The following GREB1 variants were observed in gnomAD, a reference collection of about 807,000 sequenced individuals.
GREB1 encodes protein GREB1.
Under a neutral mutation model 200.7 loss-of-function variants are expected in GREB1, and 106 were observed. The observed-to-expected ratio is 0.53, with a 90% CI of 0.45 to 0.62. The LOEUF is 0.62. Ranked by LOEUF, GREB1 falls within the 20% of genes least tolerant of loss-of-function variation. The probability of loss-of-function intolerance (pLI) is 0.00; values close to 1 mark genes in which losing one functional copy is unlikely to be tolerated. For synonymous variants in GREB1, 1,132 were observed against 1,092.4 expected, an observed-to-expected ratio of 1.04 and a Z score of -0.72; for missense variants, 2,243 against 2,556.8, an observed-to-expected ratio of 0.88 and a Z score of 2.65.
At position 11,637,827 on chromosome 2, in the gene GREB1, C is replaced by T. The variant is rs772103384; in HGVS notation, c.5458C>T (p.His1820Tyr). Residue 1820 changes from histidine (H) to tyrosine (Y), a missense_variant, in exon 31 of 33, where the codon CAC becomes TAC. Physicochemically the swap from His to Tyr is moderately conservative, Grantham distance 83. Around this residue, in one of 3 missense-constraint regions of GREB1, gnomAD observed 478 missense variants for 616.3 expected, o/e 0.78. Coordinates refer to ENST00000381486, the MANE Select transcript of GREB1 (RefSeq NM_014668.4). ...GCTCCTGCTGGAGAAGTTCCTGCAG[C>T]ACCACAGCCACCTCTTCTTCCCGCT... ...AQLLLEKFLQ[H>Y]HSHLFFPLSL... 9 of 1,614,080 alleles carry T rather than the reference C, an allele frequency of 5.6e-6. No homozygotes were observed. The Admixed American group carries it at 6.7e-5, about 12-fold the overall frequency.
intron 14 of GREB1, among the ~76,000 whole-genome samples, chr2:11,598,297 G>A (rs1681450203): frequency 6.6e-6 from 1 of 152,228 alleles, no homozygotes; most frequent in African/African-American, 2.4e-5. Context: ...CAGATGTCCG[G>A]TGTCTTCACT....
At chr2:11,574,318 A>G (rs2148019262) in intron 4 of GREB1, among the ~76,000 whole-genome samples, 2 of 152,312 alleles carry the variant, frequency 1.3e-5, no homozygotes, top group Admixed American at 1.3e-4. Flanking sequence ...ACAAATTTCA[A>G]TCACTGGGAT....
Position 11,592,883 on chromosome 2 carries a change from C to T in GREB1, c.1453C>T (p.Pro485Ser), listed in dbSNP as rs779035515. The T allele has an allele frequency of 1.3e-6, 2 of 1,598,366 alleles. No homozygotes were observed. Among genetic ancestry groups the T allele is most frequent in the African/African-American group, 2.7e-5 (2 of 73,980 alleles). ...GCAGTACCAGCAGGCGCCGCCGCAG[C>T]CCTTCCCGCCCGCGCCCAGCGCCGC... is the stretch of plus-strand genomic sequence containing the variant. ...IRQYQQAPPQ[P>S]FPPAPSAAAP... The change falls in exon 11 of 33, where the codon CCC becomes TCC. Residue 485 changes from proline to serine, a missense_variant. Transcript: ENST00000381486.
In GREB1 at chr2:11,627,029, C is replaced by T. The variant is rs750139140; in HGVS notation, c.4374C>T (p.Ser1458=). The T allele has an allele frequency of 1.9e-6, 3 of 1,614,022 alleles. No homozygotes were observed. The highest frequency in any genetic ancestry group is 2.5e-6 in the Non-Finnish European group (3 of 1,179,868). ...GTCAGACGGCACGGATGAGACTGTCCAAGTACGCAGCGTACAACACTTACC... is the reference window on the plus strand; with the variant it reads ...GTCAGACGGCACGGATGAGACTGTCTAAGTACGCAGCGTACAACACTTACC... ...VRRQTARMRL[S]KYAAYNTYHH... is the part of the protein sequence containing the mutation. The change falls in exon 25 of 33, where the codon TCC becomes TCT. Residue 1458 remains serine, a synonymous_variant. Transcript: ENST00000381486.
intron 6 of GREB1, among the ~76,000 whole-genome samples, chr2:11,579,978 C>T (rs1315086398): frequency 6.6e-6 from 1 of 152,212 alleles, no homozygotes; most frequent in Non-Finnish European, 1.5e-5. Flanking sequence ...AATGGACTCA[C>T]AGTTCTACAT....
chr2:11,615,086 G>C lies in GREB1; in HGVS notation c.3123-5G>C. 6.2e-7 allele frequency: 1 copy of C among 1,610,894 alleles called. No homozygotes were observed. Among genetic ancestry groups the C allele is most frequent in the Non-Finnish European group, 8.5e-7 (1 of 1,177,040 alleles). ...AAACAGACACCTTCTTCTGTGTCTTGCTAGGTCTTTGAGGTACTGTGACCT... is the reference window on the plus strand; with the variant it reads ...AAACAGACACCTTCTTCTGTGTCTTCCTAGGTCTTTGAGGTACTGTGACCT... On this transcript the variant is annotated splice_region_variant and splice_polypyrimidine_tract_variant and intron_variant, in intron 19 of 32. Coordinates refer to ENST00000381486, the MANE Select transcript of GREB1 (RefSeq NM_014668.4).
Position 11,593,048 on chromosome 2 carries a change from A to G in GREB1, c.1618A>G (p.Lys540Glu). Residue 540 changes from lysine (K) to glutamate (E), a missense_variant, in exon 11 of 33, where the codon AAG (lysine) becomes GAG (glutamate). By Grantham distance (56) the Lys-to-Glu change is moderately conservative. Coordinates refer to ENST00000381486, the MANE Select transcript of GREB1 (RefSeq NM_014668.4). ...GATGTTCCGGCTGTTGGTCGAGGGCAAGCTTGCCAAGACCAACTACGTGGT... is the reference window on the plus strand; with the variant it reads ...GATGTTCCGGCTGTTGGTCGAGGGCGAGCTTGCCAAGACCAACTACGTGGT... ...SEMFRLLVEG[K>E]LAKTNYVVII... 6.2e-7 allele frequency: 1 copy of G among 1,613,108 alleles called. No individual in the cohort carries two copies. Among genetic ancestry groups the G allele is most frequent in the East Asian group, 2.2e-5 (1 of 44,868 alleles).
chr2:11,577,054 A>G (rs1259167079), intron 5 of GREB1, among the ~76,000 whole-genome samples: 4 of 150,882 alleles, frequency 2.7e-5, no homozygotes, highest in Admixed American at 6.6e-5. Context: ...AAACAAACAA[A>G]CGAACAAAAA....
intron 1 of GREB1, among the ~76,000 whole-genome samples, chr2:11,501,642 C>T (rs1025586614): frequency 2.6e-5 from 4 of 151,996 alleles, no homozygotes; most frequent in Non-Finnish European, 4.4e-5. Flanking sequence ...GATACACCTG[C>T]CTTGGCCTCC....
At chr2:11,530,319 C>T (rs1205734226), upstream of GREB1, among the ~76,000 whole-genome samples, 1 of 151,894 alleles carries the variant, frequency 6.6e-6, no homozygotes, top group African/African-American at 2.4e-5. Context: ...ACTTTGGCCT[C>T]CCAAAGTGTT....
intron 7 of GREB1, among the ~76,000 whole-genome samples, chr2:11,583,123 C>T (rs558836866): frequency 6.6e-6 from 1 of 152,302 alleles, no homozygotes; most frequent in East Asian, 1.9e-4. Flanking sequence ...TTCCTGGTGA[C>T]ATCATTTGGG....
intron 1 of GREB1, among the ~76,000 whole-genome samples, chr2:11,547,819 G>A (rs1235231995): frequency 6.6e-6 from 1 of 151,768 alleles, no homozygotes; most frequent in Non-Finnish European, 1.5e-5. Flanking sequence ...TTGTGTCTAG[G>A]CCATCTTTTC....
chr2:11,610,947 C>T lies in GREB1; in HGVS notation c.2926C>T (p.Leu976=). The part of the protein sequence containing the change: ...RLAHVRARLA[L]EEHFEIILGS... ...GGCCCACGTGCGGGCCCGGCTGGCG[C>T]TGGAGGAGCACTTTGAGATCATCCT... is the stretch of plus-strand genomic sequence containing the variant. The change falls in exon 18 of 33, where the codon CTG becomes TTG. Residue 976 remains leucine (L), a synonymous_variant. Transcript: ENST00000381486. 6.2e-7 allele frequency: 1 copy of T among 1,610,278 alleles called. No homozygotes were observed. The highest frequency in any genetic ancestry group is 1.3e-5 in the African/African-American group (1 of 75,002).
chr2:11,642,041 A>G lies in GREB1; in HGVS notation c.*1587A>G, dbSNP rs1448694906. ...CCCTTCTCCCACTTGCCTACCCTCA[A>G]TGCCACACTGTTTTTGAAGTGGCCC... On this transcript the variant is annotated 3_prime_UTR_variant, in exon 33 of 33. Transcript: ENST00000381486. 6.6e-6 allele frequency: 1 copy of G among 152,118 alleles called. No individual in the cohort carries two copies. The highest frequency in any genetic ancestry group is 1.5e-5 in the Non-Finnish European group (1 of 68,046). The allele number at this position is 152,118 out of a possible 1,614,324, so 9.4% of individuals were successfully genotyped here. A position where few individuals can be genotyped will look rare whatever the true frequency, so the allele number is the denominator to read the frequency against.
In GREB1 at chr2:11,580,813, G is replaced by T; in HGVS notation, c.882G>T (p.Leu294=). The change falls in exon 7 of 33, where the codon CTG becomes CTT. Residue 294 remains leucine (L), a synonymous_variant. Transcript: ENST00000381486. The surrounding 1 kb of genome is among the most constrained non-coding windows in gnomAD (Gnocchi z 4.5). The stretch of plus-strand genomic sequence containing the variant: ...TGGCAAAGAATAACCTGTTGGCCCT[G>T]CCGCGACCATCGGCTTTAGGTAGCT... The part of the protein sequence containing the change: ...QQLAKNNLLA[L]PRPSALGILS... The T allele has an allele frequency of 6.2e-7, 1 of 1,614,238 alleles. No homozygotes were observed.
At chr2:11,488,090 C>T (rs190959410) in intron 1 of GREB1, among the ~76,000 whole-genome samples, 1 of 152,336 alleles carries the variant, frequency 6.6e-6, no homozygotes, top group Admixed American at 6.5e-5. Context: ...TATGCTCTGC[C>T]TGTCTACTGT....
At position 11,625,218 on chromosome 2, in the gene GREB1, G is replaced by C. The variant is rs143059608; in HGVS notation, c.4212G>C (p.Leu1404=). The part of the protein sequence containing the change: ...QLSDPWPDLE[L]FKKLPFDYII... ...GCGACCCCTGGCCAGACCTGGAGCTGTTCAAGAAGTTGCCCTTTGACTACA... is the reference window on the plus strand; with the variant it reads ...GCGACCCCTGGCCAGACCTGGAGCTCTTCAAGAAGTTGCCCTTTGACTACA... Residue 1404 remains leucine, a synonymous_variant, in exon 24 of 33, where the codon CTG becomes CTC. Transcript: ENST00000381486. 2 of 1,614,022 alleles carry C rather than the reference G, an allele frequency of 1.2e-6. No individual in the cohort carries two copies. Among genetic ancestry groups the C allele is most frequent in the African/African-American group, 2.7e-5 (2 of 75,070 alleles).
At position 11,585,806 on chromosome 2, in the gene GREB1, C is replaced by G; in HGVS notation, c.1060C>G (p.Pro354Ala). Reference protein sequence around the residue: ...SCVPQVGLVGPASVTFPVVAS... With the variant: ...SCVPQVGLVGAASVTFPVVAS... ...CGTGCCGCAGGTTGGCTTGGTGGGA[C>G]CAGCTTCAGTCACCTTTCCAGTGGT... Residue 354 changes from proline (P) to alanine (A), a missense_variant, in exon 9 of 33, where the codon CCA (proline) becomes GCA (alanine). Pro to Ala is a conservative substitution (Grantham distance 27). Around this residue, in one of 3 missense-constraint regions of GREB1, gnomAD observed 1,178 missense variants for 1,387.4 expected, o/e 0.85. Transcript: ENST00000381486. 1 of 1,613,678 alleles carries G rather than the reference C, an allele frequency of 6.2e-7. No individual in the cohort carries two copies. The highest frequency in any genetic ancestry group is 8.5e-7 in the Non-Finnish European group (1 of 1,180,008).
chr2:11,640,676 G>A lies in GREB1; in HGVS notation c.*222G>A. 1.8e-6 allele frequency: 1 copy of A among 555,586 alleles called. No individual in the cohort carries two copies. Among genetic ancestry groups the A allele is most frequent in the Non-Finnish European group, 3.1e-6 (1 of 318,676 alleles). The allele number at this position is 555,586 out of a possible 1,614,324, so 34.4% of individuals were successfully genotyped here. On this transcript the variant is annotated 3_prime_UTR_variant, in exon 33 of 33. Transcript: ENST00000381486. The surrounding 1 kb of genome is among the most constrained non-coding windows in gnomAD (Gnocchi z 4.6). ...TGAAAACTTGAGACTCCCAAGTTCT[G>A]GGCCAGCCCATTGCTCTGGGCTGTT... is the stretch of plus-strand genomic sequence containing the variant.
Sources: allele counts gnomAD v4.1 joint callset (sites outside exome capture counted in the v4.1 genomes callset), GRCh38; gene constraint gnomAD v4.1.1; regional missense constraint gnomAD v4.1.1; non-coding constraint Gnocchi (gnomAD v3.1); transcripts MANE v1.5; gene names NCBI Gene and HGNC (gene_info 2026-07-23, HGNC 2026-07-21).